PFKP: variants seen among roughly 807,000 people sequenced by gnomAD.
The protein encoded by PFKP is ATP-dependent 6-phosphofructokinase, platelet type.
Under a neutral mutation model 94.3 loss-of-function variants are expected in PFKP, and 101 were observed. That is an observed-to-expected ratio of 1.07 (90% CI 0.91 to 1.26). PFKP has a LOEUF of 1.26. Ranked by LOEUF, PFKP falls within the 50% of genes most tolerant of loss-of-function variation. The pLI is 0.00. For missense variants in PFKP, 1,145 were observed against 1,103.3 expected, an observed-to-expected ratio of 1.04 and a Z score of -0.53; for synonymous variants, 573 against 432.6, an observed-to-expected ratio of 1.32 and a Z score of -4.03.
At chr10:3,127,555 G>T (rs1174079617) in intron 16 of PFKP, among the ~76,000 whole-genome samples, 1 of 152,170 alleles carries the variant, frequency 6.6e-6, no homozygotes, top group Non-Finnish European at 1.5e-5. Flanking sequence ...CTAAGACAAA[G>T]GAGAAGTCTT....
chr10:3,118,866 C>T lies in PFKP; in HGVS notation c.1527C>T (p.Phe509=), dbSNP rs775347049. 9 of 1,610,542 alleles carry T rather than the reference C, an allele frequency of 5.6e-6. No homozygotes were observed. Among genetic ancestry groups the T allele is most frequent in the African/African-American group, 5.3e-5 (4 of 74,816 alleles). The part of the protein sequence containing the change: ...SINALLIIGG[F]EAYLGLLELS... ...ACGCGCTGCTGATCATCGGTGGATT[C>T]GAGGTACGTTACCGTTTCTCTCTTG... The change falls in exon 15 of 22, where the codon TTC becomes TTT. Residue 509 remains phenylalanine, a synonymous_variant. Coordinates refer to ENST00000381125, the MANE Select transcript of PFKP (RefSeq NM_002627.5).
At chr10:3,095,236 C>CTACGCGCATAGGTGAACTACGCG (rs559127368) in intron 2 of PFKP, among the ~76,000 whole-genome samples, 36 of 151,720 alleles carry the variant, frequency 2.4e-4, no homozygotes, top group Admixed American at 6.6e-4. Flanking sequence ...AGAAAGCCAC[C>CTACGCGCATAGGTGAACTACGCG]CATAGGTGAA....
At chr10:3,118,247 T>A (rs1837024693) in intron 14 of PFKP, among the ~76,000 whole-genome samples, 1 of 152,188 alleles carries the variant, frequency 6.6e-6, no homozygotes, top group Non-Finnish European at 1.5e-5. Flanking sequence ...GGCAGGTGGA[T>A]CAGGAGGTCA....
At chr10:3,095,355 G>GA (rs1415477597) in intron 2 of PFKP, among the ~76,000 whole-genome samples, 1 of 117,136 alleles carries the variant, frequency 8.5e-6, no homozygotes, top group African/African-American at 2.7e-5. Flanking sequence ...TACATGGTTA[G>GA]AAGGCTGGTT....
intron 1 of PFKP, among the ~76,000 whole-genome samples, chr10:3,081,595 G>A (rs1466299266): frequency 6.6e-6 from 1 of 152,206 alleles, no homozygotes. Context: ...GCCTGAGCTT[G>A]TTAGCCACGA....
At chr10:3,068,300 G>C (rs1222237484) in intron 1 of PFKP, among the ~76,000 whole-genome samples, 1 of 152,176 alleles carries the variant, frequency 6.6e-6, no homozygotes, top group Non-Finnish European at 1.5e-5. Context: ...GCTGCAATGC[G>C]GGACGCGGCG....
chr10:3,101,718 C>T (rs377415583), intron 4 of PFKP, among the ~76,000 whole-genome samples, 164 bp downstream of exon 4: 2 of 152,190 alleles, frequency 1.3e-5, no homozygotes, highest in Non-Finnish European at 2.9e-5. Context: ...CAGCAATGAT[C>T]GTAAGAATGC....
intron 10 of PFKP, among the ~76,000 whole-genome samples, chr10:3,110,598 A>T (rs1836099914): frequency 6.6e-6 from 1 of 152,172 alleles, no homozygotes; most frequent in Non-Finnish European, 1.5e-5. Flanking sequence ...GTCGTGAAGC[A>T]ATCAAGTCAG....
At chr10:3,126,025 G>T (rs1256533222) in intron 16 of PFKP, among the ~76,000 whole-genome samples, 6 of 152,220 alleles carry the variant, frequency 3.9e-5, no homozygotes, top group African/African-American at 1.4e-4. Context: ...TCGCGTGCGG[G>T]GACAGCAGCC....
intron 2 of PFKP, among the ~76,000 whole-genome samples, chr10:3,093,268 A>T (rs1326357997): frequency 6.6e-6 from 1 of 152,148 alleles, no homozygotes. Context: ...CAGTGTTGAA[A>T]GACCAAGCAA....
intron 1 of PFKP, among the ~76,000 whole-genome samples, chr10:3,080,352 C>A (rs535997459): frequency 1.3e-5 from 2 of 151,960 alleles, no homozygotes; most frequent in Non-Finnish European, 2.9e-5. Flanking sequence ...CCCGTCTCTA[C>A]TAAAAATACA....
intron 5 of PFKP, among the ~76,000 whole-genome samples, chr10:3,104,483 G>A (rs1299305935): frequency 6.6e-6 from 1 of 152,246 alleles, no homozygotes; most frequent in African/African-American, 2.4e-5. Context: ...TTAAGGACGA[G>A]GTGCTCGAGA....
intron 2 of PFKP, among the ~76,000 whole-genome samples, chr10:3,092,722 C>G (rs999634382): frequency 2.2e-4 from 34 of 152,136 alleles, no homozygotes; most frequent in African/African-American, 7.0e-4. Context: ...TGATAGAAAC[C>G]CTTCATTCTT....
intron 2 of PFKP, among the ~76,000 whole-genome samples, chr10:3,091,027 C>A (rs1834004582): frequency 6.6e-6 from 1 of 152,106 alleles, no homozygotes; most frequent in Admixed American, 6.5e-5. Flanking sequence ...AGTGGCGTTT[C>A]TGCTGAAAGC....
At chr10:3,081,977 CTTTTTTTTTTTTTTTTT>C (rs547880338) in intron 1 of PFKP, among the ~76,000 whole-genome samples, 4 of 68,440 alleles carry the variant, frequency 5.8e-5, no homozygotes, top group East Asian at 4.4e-4. Context: ...AGCCCATTGC[CTTTTTTTTTTTTTTTTT>C]TTTTTTTTTT....
rs1835444362 is a variant in PFKP at position 3,105,469 on chromosome 10, T to A, written c.742T>A (p.Trp248Arg). Residue 248 changes from tryptophan to arginine, a missense_variant, in exon 7 of 22, where the codon TGG becomes AGG. Coordinates refer to ENST00000381125, the MANE Select transcript of PFKP (RefSeq NM_002627.5). ...FLPESPPEEGWEEQMCVKLSE... is the reference protein window; with the variant it reads ...FLPESPPEEGREEQMCVKLSE... ...TCCAGAATCTCCACCAGAGGAAGGC[T>A]GGGAGGAGCAGATGTGTGTCAAACT... 1 of 1,613,638 alleles carries A rather than the reference T, an allele frequency of 6.2e-7. No individual in the cohort carries two copies. Among genetic ancestry groups the A allele is most frequent in the African/African-American group, 1.3e-5 (1 of 74,798 alleles).
chr10:3,110,261 T>G (rs923739291), intron 10 of PFKP, among the ~76,000 whole-genome samples: 1 of 152,036 alleles, frequency 6.6e-6, no homozygotes, highest in Non-Finnish European at 1.5e-5. Context: ...TGCAGTGGCG[T>G]GATCTTGGCT....
At chr10:3,135,033 CTTCCTTAAATCAGT>C (rs1839072007) in intron 20 of PFKP, among the ~76,000 whole-genome samples, 1 of 151,796 alleles carries the variant, frequency 6.6e-6, no homozygotes, top group South Asian at 2.1e-4. Context: ...TGTGCATGTT[CTTCCTTAAATCAGT>C]TCTGTAAGTT....
intron 10 of PFKP, among the ~76,000 whole-genome samples, chr10:3,110,405 G>A (rs1341860229): frequency 1.4e-5 from 2 of 144,110 alleles, no homozygotes; most frequent in South Asian, 2.2e-4. Context: ...TTTAGTAGAG[G>A]TGGGGTTTCA....
Sources: gnomAD v4.1 joint callset for allele counts (sites outside exome capture counted in the v4.1 genomes callset) on GRCh38, gnomAD v4.1.1 for gene constraint, MANE v1.5 for transcripts, NCBI Gene and HGNC (gene_info 2026-07-23, HGNC 2026-07-21) for gene names.